Variants in GALNT2 observed in about 807,000 individuals in gnomAD.
GALNT2 encodes the protein polypeptide N-acetylgalactosaminyltransferase 2.
A neutral mutation model predicts 81.4 loss-of-function variants in GALNT2; 31 were observed. The observed-to-expected ratio is 0.38, with a 90% CI of 0.29 to 0.51. The LOEUF is 0.51. Among genes scored for constraint, GALNT2 ranks in the 20% least tolerant of loss-of-function variants. The probability of loss-of-function intolerance (pLI) is 0.87; values close to 1 mark genes in which losing one functional copy is unlikely to be tolerated. For missense variants in GALNT2, 629 were observed against 765.7 expected, an observed-to-expected ratio of 0.82 and a Z score of 2.11; for synonymous variants, 303 against 287.4, an observed-to-expected ratio of 1.05 and a Z score of -0.55.
chr1:230,250,310 A>C (rs932338871), intron 9 of GALNT2, 147 bp from the exon 10 acceptor site: 1 of 673,608 alleles, frequency 1.5e-6, no homozygotes, highest in African/African-American at 1.8e-5. Context: ...CATGCTGGGC[A>C]CTGAGCAGAA....
At chr1:230,123,096 C>T (rs1299962231) in intron 1 of GALNT2, among the ~76,000 whole-genome samples, 2 of 152,198 alleles carry the variant, frequency 1.3e-5, no homozygotes, top group Non-Finnish European at 2.9e-5. Flanking sequence ...AGACTTCACA[C>T]TTATTTTCAG....
At chr1:230,063,602 T>G (rs368841205), upstream of GALNT2, among the ~76,000 whole-genome samples, 318 of 152,288 alleles carry the variant, frequency 2.1e-3, 2 homozygotes, top group African/African-American at 7.4e-3. Context: ...TCCATAACCT[T>G]TTTTCTTCTA....
intron 11 of GALNT2, chr1:230,262,356 A>T (rs632557): frequency 4.0e-6 from 2 of 496,804 alleles, no homozygotes; most frequent in South Asian, 3.8e-5. Flanking sequence ...AAGCCATTCC[A>T]ATGGTTCAGT....
chr1:230,175,823 A>G (rs376476734), intron 1 of GALNT2, among the ~76,000 whole-genome samples: 41 of 151,752 alleles, frequency 2.7e-4, no homozygotes, highest in African/African-American at 9.0e-4. Flanking sequence ...TTGGGTTTTT[A>G]TGACATTTTG....
intron 9 of GALNT2, 93 bp downstream of exon 9, chr1:230,249,364 G>T (rs1018219289): frequency 5.2e-5 from 56 of 1,075,380 alleles, no homozygotes; most frequent in Non-Finnish European, 5.8e-5. Context: ...GACCCAGTGG[G>T]GGCTGTTCAC....
intron 1 of GALNT2, among the ~76,000 whole-genome samples, chr1:230,091,347 T>G (rs10864683): frequency 0.46 from 70,051 of 151,826 alleles, 17,655 homozygotes; most frequent in African/African-American, 0.63. Context: ...GTGCTGGGAT[T>G]ACAGGTGTGA....
chr1:230,273,309 C>T (rs540950189), intron 14 of GALNT2, among the ~76,000 whole-genome samples: 19 of 152,272 alleles, frequency 1.2e-4, no homozygotes, highest in Admixed American at 6.5e-4. Flanking sequence ...TCTGTGACAG[C>T]GCCGGTGTCA....
intron 1 of GALNT2, among the ~76,000 whole-genome samples, chr1:230,136,313 C>T (rs1661536577): frequency 6.6e-6 from 1 of 152,186 alleles, no homozygotes; most frequent in African/African-American, 2.4e-5. Context: ...TGTCCCAGAT[C>T]CCTGTCAGCA....
intron 3 of GALNT2, among the ~76,000 whole-genome samples, chr1:230,220,847 G>A (rs1204677732): frequency 2.0e-5 from 3 of 152,098 alleles, no homozygotes; most frequent in Admixed American, 6.5e-5. Context: ...CCAAATATTA[G>A]CTAAAATCTC....
intron 1 of GALNT2, among the ~76,000 whole-genome samples, chr1:230,177,455 C>G (rs1400262008): frequency 1.3e-5 from 2 of 151,850 alleles, no homozygotes; most frequent in Non-Finnish European, 2.9e-5. Flanking sequence ...ATACAGAAAC[C>G]TTTCTTATTT....
chr1:230,262,845 G>A lies in GALNT2; in HGVS notation c.1230-77G>A, dbSNP rs1474533290. 6.2e-6 allele frequency: 9 copies of A among 1,462,256 alleles called. No homozygotes were observed. In the East Asian group the frequency reaches 9.1e-5, roughly 15 times the overall value. The allele number at this position is 1,462,256 out of a possible 1,614,324, so 90.6% of individuals were successfully genotyped here. A position where few individuals can be genotyped will look rare whatever the true frequency, so the allele number is the denominator to read the frequency against. On this transcript the variant is annotated intron_variant, in intron 12 of 15. Coordinates refer to ENST00000366672, the MANE Select transcript of GALNT2 (RefSeq NM_004481.5). ...ACCTGCCCCAACCCTGTTCTCCTCAGCAGATTTTCAAGTTTGATGTAGAAA... is the reference window on the plus strand; with the variant it reads ...ACCTGCCCCAACCCTGTTCTCCTCAACAGATTTTCAAGTTTGATGTAGAAA...
intron 1 of GALNT2, among the ~76,000 whole-genome samples, chr1:230,067,770 A>G (rs1659243330): frequency 6.6e-6 from 1 of 152,086 alleles, no homozygotes; most frequent in Admixed American, 6.5e-5. Flanking sequence ...AGGAGAGGAG[A>G]GAGAGGCGAC....
At chr1:230,139,216 C>G (rs551315831) in intron 1 of GALNT2, among the ~76,000 whole-genome samples, 22 of 152,324 alleles carry the variant, frequency 1.4e-4, no homozygotes, top group African/African-American at 5.3e-4. Flanking sequence ...CTAATAATCC[C>G]CATTTCAGAG....
At chr1:230,209,702 G>A (rs553291187) in intron 3 of GALNT2, among the ~76,000 whole-genome samples, 34 of 152,278 alleles carry the variant, frequency 2.2e-4, no homozygotes, top group Admixed American at 7.2e-4. Flanking sequence ...AATTAGCTGG[G>A]CATAGTGGCT....
intron 1 of GALNT2, among the ~76,000 whole-genome samples, chr1:230,139,239 A>G (rs1661652180): frequency 6.6e-6 from 1 of 152,230 alleles, no homozygotes; most frequent in Non-Finnish European, 1.5e-5. Context: ...TTATATTTAA[A>G]TGAAGACATT....
At chr1:230,095,803 A>G (rs1396506136) in intron 1 of GALNT2, among the ~76,000 whole-genome samples, 4 of 152,202 alleles carry the variant, frequency 2.6e-5, no homozygotes, top group Non-Finnish European at 5.9e-5. Flanking sequence ...CTGCCATGCT[A>G]GAAGACGTCC....
intron 2 of GALNT2, among the ~76,000 whole-genome samples, chr1:230,201,299 AT>A: frequency 6.6e-6 from 1 of 152,094 alleles, no homozygotes; most frequent in Middle Eastern, 3.4e-3. Context: ...CTGATTTTCG[AT>A]TTGAGAGGCC....
intron 2 of GALNT2, among the ~76,000 whole-genome samples, chr1:230,185,305 C>T (rs2748119): frequency 0.1 from 8,296 of 82,048 alleles, 619 homozygotes; most frequent in East Asian, 0.43. Flanking sequence ...TGTGTGTGCG[C>T]GCGTGTGTGT....
chr1:230,124,712 T>C (rs984614280), intron 1 of GALNT2, among the ~76,000 whole-genome samples: 1 of 152,216 alleles, frequency 6.6e-6, no homozygotes, highest in African/African-American at 2.4e-5. Context: ...TCCCACCTTC[T>C]TTTGGCCTGA....
Sources: allele counts gnomAD v4.1 joint callset (sites outside exome capture counted in the v4.1 genomes callset), GRCh38; gene constraint gnomAD v4.1.1; transcripts MANE v1.5; gene names NCBI Gene and HGNC (gene_info 2026-07-23, HGNC 2026-07-21).